The following PLEKHA6 variants were observed in gnomAD, a reference collection of about 807,000 sequenced individuals.
PLEKHA6 encodes pleckstrin homology domain-containing family A member 6.
A neutral mutation model predicts 116.7 loss-of-function variants in PLEKHA6; 60 were observed. The observed-to-expected ratio is 0.51, with a 90% CI of 0.42 to 0.64. The LOEUF is 0.64. PLEKHA6 is among the 30% of genes least tolerant of loss of function. PLEKHA6 has a pLI of 0.00. For missense variants in PLEKHA6, 1,338 were observed against 1,422.7 expected, an observed-to-expected ratio of 0.94 and a Z score of 0.96; for synonymous variants, 489 against 556.1, an observed-to-expected ratio of 0.88 and a Z score of 1.70.
rs950773425 is a variant in PLEKHA6, at chr1:204,220,955, C to T, written c.*1833G>A. 3 of 151,146 alleles carry T rather than the reference C, an allele frequency of 2.0e-5. No individual in the cohort carries two copies. The highest frequency in any genetic ancestry group is 4.4e-5 in the Non-Finnish European group (3 of 67,932). The allele number at this position is 151,146 out of a possible 1,614,324, so 9.4% of individuals were successfully genotyped here. ...TGGAAGGCCCTGAAAAATCTGTTTC[C>T]TGTGGAGGGAGAAAGGCTTGGGAGA... On this transcript the variant is annotated 3_prime_UTR_variant, in exon 23 of 23. Transcript: ENST00000272203.
intron 9 of PLEKHA6, chr1:204,256,966 G>C: frequency 1.7e-6 from 1 of 583,258 alleles, no homozygotes; most frequent in Non-Finnish European, 3.1e-6. Flanking sequence ...CTCAAGGTTA[G>C]AGGTATTTGT....
intron 1 of PLEKHA6, among the ~76,000 whole-genome samples, chr1:204,286,633 C>G (rs1669205589): frequency 6.6e-6 from 1 of 152,144 alleles, no homozygotes; most frequent in Non-Finnish European, 1.5e-5. Flanking sequence ...TTAAGGATTT[C>G]AAGACAGCAA....
chr1:204,303,184 C>T (rs1670984678), intron 1 of PLEKHA6, among the ~76,000 whole-genome samples: 1 of 152,174 alleles, frequency 6.6e-6, no homozygotes, highest in African/African-American at 2.4e-5. Context: ...AAGAAAATCT[C>T]ACACACCTTG....
At chr1:204,375,056 C>T (rs914972190) in intron 1 of PLEKHA6, among the ~76,000 whole-genome samples, 4 of 148,896 alleles carry the variant, frequency 2.7e-5, no homozygotes, top group African/African-American at 9.7e-5. Context: ...GGCATTCTAC[C>T]CTGGTCCTGG....
chr1:204,307,256 T>C (rs1671405133), intron 1 of PLEKHA6: 1 of 152,142 alleles, frequency 6.6e-6, no homozygotes, highest in South Asian at 2.1e-4. Context: ...ACATGTGAGT[T>C]TTTCTCCCGG....
At chr1:204,297,196 T>C in intron 1 of PLEKHA6, 1 of 982,778 alleles carries the variant, frequency 1.0e-6, no homozygotes, top group Non-Finnish European at 1.2e-6. Context: ...GCTCTAACAT[T>C]TGTCTTTGAT....
At chr1:204,346,009 C>T (rs1291798938) in intron 1 of PLEKHA6, among the ~76,000 whole-genome samples, 3 of 152,264 alleles carry the variant, frequency 2.0e-5, no homozygotes, top group Non-Finnish European at 4.4e-5. Flanking sequence ...ACCCTGCTAG[C>T]CACCACCAGA....
intron 12 of PLEKHA6, 72 bp from the exon 13 acceptor site, chr1:204,247,532 C>G: frequency 1.0e-6 from 1 of 1,000,428 alleles, no homozygotes; most frequent in Non-Finnish European, 1.6e-6. Context: ...TGCAATGGAC[C>G]CTGGGGCCAG....
Position 204,244,879 on chromosome 1 carries a change from C to A in PLEKHA6, c.2157G>T (p.Lys719Asn). 1 of 1,563,216 alleles carries A rather than the reference C, an allele frequency of 6.4e-7. No homozygotes were observed. ...LVSGSQGSPT[K>N]PGSNEPKANY... ...CTCAACTTACCTCGTTGGAGCCAGG[C>A]TTGGTGGGGGACCCCTGAGAGCCCG... Residue 719 changes from lysine to asparagine, a missense_variant, in exon 15 of 23, where the codon AAG (lysine) becomes AAT (asparagine). By Grantham distance (94) the Lys-to-Asn change is moderately conservative (BLOSUM62 0). Around this residue, in one of 3 missense-constraint regions of PLEKHA6, gnomAD observed 1,136 missense variants for 1,163.6 expected, o/e 0.98. Coordinates refer to ENST00000272203, the MANE Select transcript of PLEKHA6 (RefSeq NM_014935.5).
At chr1:204,346,593 A>C (rs11576844) in intron 1 of PLEKHA6, among the ~76,000 whole-genome samples, 3 of 152,136 alleles carry the variant, frequency 2.0e-5, no homozygotes, top group African/African-American at 7.2e-5. Context: ...GCTCGGCAGG[A>C]AACATGGAAA....
chr1:204,283,200 C>T (rs770336577), intron 1 of PLEKHA6, among the ~76,000 whole-genome samples: 9 of 146,686 alleles, frequency 6.1e-5, no homozygotes, highest in Non-Finnish European at 1.1e-4. Context: ...CCCCACCCAA[C>T]GAAAGGAATT....
chr1:204,354,340 T>G (rs866405332), intron 1 of PLEKHA6, among the ~76,000 whole-genome samples: 4 of 152,186 alleles, frequency 2.6e-5, no homozygotes, highest in Non-Finnish European at 5.9e-5. Context: ...TTTCCTGAAT[T>G]CACACGGTGA....
In PLEKHA6 at chr1:204,259,414, G is replaced by C; in HGVS notation, c.851C>G (p.Ala284Gly). The change falls in exon 8 of 23, where the codon GCT becomes GGT. Residue 284 changes from alanine (A) to glycine (G), a missense_variant. Ala to Gly is a moderately conservative substitution (Grantham distance 60, BLOSUM62 0). Transcript: ENST00000272203. The surrounding 1 kb of genome is among the most constrained non-coding windows in gnomAD (Gnocchi z 4.6). Reference protein sequence around the residue: ...YHSPSRPGSTAFPSQDGETGG... With the variant: ...YHSPSRPGSTGFPSQDGETGG... ...AGTCTCTCCATCCTGAGACGGGAAA[G>C]CTGTGCTCCCTGGCCGGCTTGGGGA... The C allele has an allele frequency of 6.2e-7, 1 of 1,614,258 alleles. No individual in the cohort carries two copies. Among genetic ancestry groups the C allele is most frequent in the Non-Finnish European group, 8.5e-7 (1 of 1,180,048 alleles).
chr1:204,283,684 G>A (rs572348943), intron 1 of PLEKHA6, among the ~76,000 whole-genome samples: 3 of 152,302 alleles, frequency 2.0e-5, no homozygotes, highest in East Asian at 3.9e-4. Context: ...ATGGTTCAGG[G>A]GGAGATGCCA....
chr1:204,230,967 C>T (rs1661104380), intron 17 of PLEKHA6, among the ~76,000 whole-genome samples: 1 of 152,136 alleles, frequency 6.6e-6, no homozygotes. Flanking sequence ...GAGATTCTCC[C>T]TCAGGGCTTC....
At chr1:204,270,161 A>C (rs1667298609) in intron 3 of PLEKHA6, among the ~76,000 whole-genome samples, 1 of 152,160 alleles carries the variant, frequency 6.6e-6, no homozygotes, top group Admixed American at 6.5e-5. Context: ...GATTTCTACA[A>C]GACTATTGTT....
chr1:204,228,127 C>A lies in PLEKHA6; in HGVS notation c.2987G>T (p.Cys996Phe). Residue 996 changes from cysteine to phenylalanine, a missense_variant, in exon 21 of 23, where the codon TGC becomes TTC. Cys to Phe is a radical substitution (Grantham distance 205). Transcript: ENST00000272203. The surrounding 1 kb of genome is among the most constrained non-coding windows in gnomAD (Gnocchi z 4.0). ...GCGGGAGGCCTCGGTCGCCAGGGCGCAGGAGATTTCAATCCGCTTCTCCTG... is the reference window on the plus strand; with the variant it reads ...GCGGGAGGCCTCGGTCGCCAGGGCGAAGGAGATTTCAATCCGCTTCTCCTG... ...QEQEKRIEIS[C>F]ALATEASRRG... The A allele has an allele frequency of 1.2e-6, 2 of 1,613,254 alleles. No individual in the cohort carries two copies. Among genetic ancestry groups the A allele is most frequent in the Non-Finnish European group, 8.5e-7 (1 of 1,179,514 alleles).
intron 13 of PLEKHA6, among the ~76,000 whole-genome samples, 174 bp downstream of exon 13, chr1:204,247,191 C>T (rs1276857380): frequency 6.6e-6 from 1 of 152,178 alleles, no homozygotes; most frequent in Non-Finnish European, 1.5e-5. Flanking sequence ...CTGAAGTCTC[C>T]CAAGCTTCAG....
At chr1:204,306,845 A>G (rs933776289) in intron 1 of PLEKHA6, among the ~76,000 whole-genome samples, 4 of 152,166 alleles carry the variant, frequency 2.6e-5, no homozygotes, top group African/African-American at 9.7e-5. Flanking sequence ...CTAAAATTAA[A>G]AAAACAAGTG....
Sources: gnomAD v4.1 joint callset for allele counts (sites outside exome capture counted in the v4.1 genomes callset) on GRCh38, gnomAD v4.1.1 for gene constraint, gnomAD v4.1.1 regional missense constraint, Gnocchi (gnomAD v3.1) non-coding constraint, MANE v1.5 for transcripts, NCBI Gene and HGNC (gene_info 2026-07-23, HGNC 2026-07-21) for gene names.